The following MUC17 variants were observed in gnomAD, a reference collection of about 807,000 sequenced individuals.
MUC17 encodes the protein mucin-17.
Under a neutral mutation model 170.3 loss-of-function variants are expected in MUC17, and 190 were observed. That is an observed-to-expected ratio of 1.12 (90% CI 0.99 to 1.26). MUC17 has a LOEUF of 1.26. Ranked by LOEUF, MUC17 falls within the 50% of genes most tolerant of loss-of-function variation. The pLI is 0.00. For synonymous variants in MUC17, 2,325 were observed against 2,002.5 expected (o/e 1.16, Z -4.30); for missense variants, 6,415 against 5,530.0 (o/e 1.16, Z -5.08).
In MUC17 at chr7:101,037,250, C is replaced by G. The variant is rs141297128; in HGVS notation, c.5834C>G (p.Thr1945Ser). The G allele has an allele frequency of 5.5e-4, 872 of 1,591,124 alleles. 3 individuals carry two copies. In the African/African-American group the frequency reaches 0.011, roughly 20 times the overall value. ...ACAGTGGCCAGTTCTGAAATCAACA[C>G]CCTTTCAACAACTCTTGCTGACACC... ...TTTVASSEIN[T>S]LSTTLADTRT... is the part of the protein sequence containing the mutation. The change falls in exon 3 of 13, where the codon ACC (threonine) becomes AGC (serine). Residue 1945 changes from threonine (T) to serine (S), a missense_variant. Thr to Ser is a moderately conservative substitution (Grantham distance 58). Transcript: ENST00000306151.
Position 101,043,809 on chromosome 7 carries a change from A to C in MUC17, c.12393A>C (p.Arg4131Ser). ...CCACCTCAACTCCTACTGTGCCAAG[A>C]ACCACAACATGTAAGTGATTTCTTG... Reference protein sequence around the residue: ...SNPTSTPTVPRTTTCFGDGCQ... With the variant: ...SNPTSTPTVPSTTTCFGDGCQ... Residue 4131 changes from arginine (R) to serine (S), a missense_variant, in exon 3 of 13, where the codon AGA becomes AGC. Arg to Ser is a moderately radical substitution (Grantham distance 110, BLOSUM62 -1). Transcript: ENST00000306151. 2.5e-6 allele frequency: 4 copies of C among 1,597,564 alleles called. No homozygotes were observed. Among genetic ancestry groups the C allele is most frequent in the Non-Finnish European group, 3.4e-6 (4 of 1,170,024 alleles).
chr7:101,055,166 T>C (rs1434657888), intron 11 of MUC17, among the ~76,000 whole-genome samples: 1 of 150,824 alleles, frequency 6.6e-6, no homozygotes, highest in African/African-American at 2.4e-5. Flanking sequence ...ACATAGAAAA[T>C]AGAAAATAAA....
rs566537182 is a variant in MUC17 at position 101,040,823 on chromosome 7, T to G, written c.9407T>G (p.Val3136Gly). The G allele has an allele frequency of 4.0e-5, 65 of 1,613,730 alleles. 1 individual carries two copies. The South Asian group carries it at 6.9e-4, about 17-fold the overall frequency. Residue 3136 changes from valine (V) to glycine (G), a missense_variant, in exon 3 of 13, where the codon GTG becomes GGG. Val to Gly is a moderately radical substitution (Grantham distance 109). Coordinates refer to ENST00000306151, the MANE Select transcript of MUC17 (RefSeq NM_001040105.2). ...ACTCCTGTTGACACCAGCACACCTG[T>G]GACCACTTCTACTGAAGCCCATTCA... ...STTPVDTSTP[V>G]TTSTEAHSSP...
At position 101,041,982 on chromosome 7, in the gene MUC17, G is replaced by C. The variant is rs763841042; in HGVS notation, c.10566G>C (p.Met3522Ile). ...AAGGAAGCACTCCATTAACAAATAT[G>C]CCTGTCAGCACCACACCGGTGGCCA... The part of the protein sequence containing the change: ...AGEGSTPLTN[M>I]PVSTTPVASS... Residue 3522 changes from methionine to isoleucine, a missense_variant, in exon 3 of 13, where the codon ATG (methionine) becomes ATC (isoleucine). Transcript: ENST00000306151. 2.5e-6 allele frequency: 4 copies of C among 1,613,176 alleles called. No homozygotes were observed. In the East Asian group the frequency reaches 8.9e-5, roughly 36 times the overall value.
In MUC17 at chr7:101,043,196, C is replaced by G. The variant is rs759360423; in HGVS notation, c.11780C>G (p.Ser3927Ter). Residue 3927 changes from serine (S) to a stop codon, truncating the protein, a stop_gained, in exon 3 of 13, where the codon TCA becomes TGA. Transcript: ENST00000306151. LOFTEE classifies it high-confidence loss of function. ...CCTGTAGCCACCACCATATCTGTAT[C>G]AGTGATCACAGAAGGAAGCACACCT... ...TIPVATTISV[S>*]VITEGSTPGT... 1 of 1,614,166 alleles carries G rather than the reference C, an allele frequency of 6.2e-7. No individual in the cohort carries two copies.
In MUC17 at chr7:101,039,318, A is replaced by T. The variant is rs1388258435; in HGVS notation, c.7902A>T (p.Ser2634=). ...PISTPSEVST[S]LTSILVSTMP... Reference sequence around the variant, plus strand: ...CAACTCCTAGTGAAGTAAGTACTTCATTAACAAGTATACTTGTCAGCACCA... The same window carrying T: ...CAACTCCTAGTGAAGTAAGTACTTCTTTAACAAGTATACTTGTCAGCACCA... Residue 2634 remains serine, a synonymous_variant, in exon 3 of 13, where the codon TCA becomes TCT. Transcript: ENST00000306151. 6.2e-7 allele frequency: 1 copy of T among 1,613,276 alleles called. No individual in the cohort carries two copies. Among genetic ancestry groups the T allele is most frequent in the Non-Finnish European group, 8.5e-7 (1 of 1,179,582 alleles).
rs781770841 is a variant in MUC17 at position 101,033,122 on chromosome 7, G to A, written c.1706G>A (p.Ser569Asn). ...SIPTSTPSEG[S>N]TPLTNMPVST... ...CCAACCTCAACTCCTAGTGAAGGAA[G>A]CACTCCATTAACAAACATGCCTGTC... is the stretch of plus-strand genomic sequence containing the variant. Residue 569 changes from serine (S) to asparagine (N), a missense_variant, in exon 3 of 13, where the codon AGC becomes AAC. Coordinates refer to ENST00000306151, the MANE Select transcript of MUC17 (RefSeq NM_001040105.2). The A allele has an allele frequency of 3.7e-6, 6 of 1,612,044 alleles. No individual in the cohort carries two copies. Among genetic ancestry groups the A allele is most frequent in the South Asian group, 1.1e-5 (1 of 90,994 alleles).
chr7:101,036,074 C>A lies in MUC17; in HGVS notation c.4658C>A (p.Ser1553Ter), dbSNP rs755732013. Residue 1553 changes from serine to a stop codon, truncating the protein, a stop_gained, in exon 3 of 13, where the codon TCA becomes TAA. Coordinates refer to ENST00000306151, the MANE Select transcript of MUC17 (RefSeq NM_001040105.2). LOFTEE classifies it high-confidence loss of function. ...GTGACCACTTATTCTCAAGCCAGTT[C>A]ATCTCCTACAACTGCTGACGGTACC... is the stretch of plus-strand genomic sequence containing the variant. Reference protein sequence around the residue: ...TPVTTYSQASSSPTTADGTSM... With the variant: ...TPVTTYSQAS The A allele has an allele frequency of 1.2e-6, 2 of 1,612,348 alleles. No homozygotes were observed. Among genetic ancestry groups the A allele is most frequent in the South Asian group, 2.2e-5 (2 of 90,918 alleles).
Position 101,034,451 on chromosome 7 carries a change from C to T in MUC17, c.3035C>T (p.Thr1012Ile). Reference protein sequence around the residue: ...TLSTTPVDSNTPLTTSTEASS... With the variant: ...TLSTTPVDSNIPLTTSTEASS... The stretch of plus-strand genomic sequence containing the variant: ...TCAACAACTCCTGTTGACTCCAACA[C>T]TCCTTTGACCACTTCTACTGAAGCC... Residue 1012 changes from threonine (T) to isoleucine (I), a missense_variant, in exon 3 of 13, where the codon ACT (threonine) becomes ATT (isoleucine). Coordinates refer to ENST00000306151, the MANE Select transcript of MUC17 (RefSeq NM_001040105.2). 6.2e-7 allele frequency: 1 copy of T among 1,608,582 alleles called. No homozygotes were observed. Among genetic ancestry groups the T allele is most frequent in the Non-Finnish European group, 8.5e-7 (1 of 1,177,150 alleles).
At chr7:101,025,648 G>T (rs1403558089) in intron 1 of MUC17, among the ~76,000 whole-genome samples, 1 of 152,050 alleles carries the variant, frequency 6.6e-6, no homozygotes, top group Non-Finnish European at 1.5e-5. Flanking sequence ...AAAAAAATTA[G>T]CCAGGTGTAG....
rs1794330992 is a variant in MUC17 at position 101,032,793 on chromosome 7, C to A, written c.1377C>A (p.Val459=). ...EGSTPLTSMP[V]STTPVASSEA... ...GCACTCCATTAACAAGTATGCCTGT[C>A]AGCACCACTCCAGTGGCCAGTTCTG... Residue 459 remains valine, a synonymous_variant, in exon 3 of 13, where the codon GTC becomes GTA. Coordinates refer to ENST00000306151, the MANE Select transcript of MUC17 (RefSeq NM_001040105.2). The A allele has an allele frequency of 6.2e-7, 1 of 1,613,998 alleles. No individual in the cohort carries two copies.
rs879119791 is a variant in MUC17, at chr7:101,032,743, G to A, written c.1327G>A (p.Ala443Thr). 115 of 1,602,894 alleles carry A rather than the reference G, an allele frequency of 7.2e-5. No homozygotes were observed. The highest frequency in any genetic ancestry group is 9.7e-5 in the Non-Finnish European group (114 of 1,176,344). ...SPTTAEDTSI[A>T]TSTPSEGSTP... ...CACAACTGCTGAAGATACCAGCATTGCAACCTCAACTCCTAGTGAAGGAAG... is the reference window on the plus strand; with the variant it reads ...CACAACTGCTGAAGATACCAGCATTACAACCTCAACTCCTAGTGAAGGAAG... Residue 443 changes from alanine to threonine, a missense_variant, in exon 3 of 13, where the codon GCA becomes ACA. Ala to Thr is a moderately conservative substitution (Grantham distance 58, BLOSUM62 0). Coordinates refer to ENST00000306151, the MANE Select transcript of MUC17 (RefSeq NM_001040105.2).
Position 101,058,264 on chromosome 7 carries a change from G to T in MUC17, c.*220G>T, listed in dbSNP as rs1228977842. 1.0e-5 allele frequency: 4 copies of T among 394,814 alleles called. No individual in the cohort carries two copies. The South Asian group carries it at 2.2e-4, about 22-fold the overall frequency. 24.5% of individuals were successfully genotyped at this position (394,814 alleles called of 1,614,324 possible). Reference sequence around the variant, plus strand: ...TCCAATGGGCTTGTCATGATATCAGGCTAGGCTTTCCTGCTCATTTTTCAA... The same window carrying T: ...TCCAATGGGCTTGTCATGATATCAGTCTAGGCTTTCCTGCTCATTTTTCAA... On this transcript the variant is annotated 3_prime_UTR_variant, in exon 13 of 13. Coordinates refer to ENST00000306151, the MANE Select transcript of MUC17 (RefSeq NM_001040105.2).
In MUC17 at chr7:101,042,274, C is replaced by A; in HGVS notation, c.10858C>A (p.Pro3620Thr). ...TCAGAGCAATTCTACTCCTACACCT[C>A]CTGAAGTTATCACCCTGCCAATGTC... ...STQSNSTPTP[P>T]EVITLPMSTP... Residue 3620 changes from proline (P) to threonine (T), a missense_variant, in exon 3 of 13, where the codon CCT becomes ACT. Transcript: ENST00000306151. The A allele has an allele frequency of 6.2e-7, 1 of 1,613,470 alleles. No individual in the cohort carries two copies. Among genetic ancestry groups the A allele is most frequent in the Non-Finnish European group, 8.5e-7 (1 of 1,179,868 alleles).
chr7:101,036,869 C>T lies in MUC17; in HGVS notation c.5453C>T (p.Thr1818Met), dbSNP rs766059530. The part of the protein sequence containing the change: ...TPLTSTPVSH[T>M]LVANSEASTL... Reference sequence around the variant, plus strand: ...TTAACAAGCACACCTGTCAGCCACACGCTGGTGGCCAATTCTGAGGCTAGC... The same window carrying T: ...TTAACAAGCACACCTGTCAGCCACATGCTGGTGGCCAATTCTGAGGCTAGC... Residue 1818 changes from threonine to methionine, a missense_variant, in exon 3 of 13, where the codon ACG becomes ATG. Transcript: ENST00000306151. The T allele has an allele frequency of 9.3e-6, 15 of 1,608,228 alleles. No individual in the cohort carries two copies. In the Middle Eastern group the frequency reaches 1.2e-3, roughly 125 times the overall value.
intron 3 of MUC17, 132 bp from the exon 4 acceptor site, chr7:101,047,852 A>C: frequency 1.8e-6 from 2 of 1,113,348 alleles, no homozygotes; most frequent in South Asian, 2.4e-5. Flanking sequence ...CAAATTAGAC[A>C]GTGTCCGTGC....
intron 1 of MUC17, among the ~76,000 whole-genome samples, chr7:101,029,013 C>T (rs1794230406): frequency 6.6e-6 from 1 of 151,982 alleles, no homozygotes; most frequent in Non-Finnish European, 1.5e-5. Context: ...CGTGGAGAAA[C>T]CCCATCTCTA....
chr7:101,037,883 A>G lies in MUC17; in HGVS notation c.6467A>G (p.Tyr2156Cys). The change falls in exon 3 of 13, where the codon TAT becomes TGT. Residue 2156 changes from tyrosine to cysteine, a missense_variant. By Grantham distance (194) the Tyr-to-Cys change is radical (BLOSUM62 -2). Transcript: ENST00000306151. ...TEGTSMQTST[Y>C]SDRRTPLTSM... ...GGTACCAGCATGCAAACCTCAACTT[A>G]TAGTGACAGAAGAACTCCTTTAACA... The G allele has an allele frequency of 6.2e-7, 1 of 1,607,838 alleles. No individual in the cohort carries two copies. The highest frequency in any genetic ancestry group is 8.5e-7 in the Non-Finnish European group (1 of 1,177,280).
intron 12 of MUC17, among the ~76,000 whole-genome samples, chr7:101,056,604 T>G (rs1342787648): frequency 6.6e-6 from 1 of 152,226 alleles, no homozygotes; most frequent in Non-Finnish European, 1.5e-5. Flanking sequence ...AGTAAATACT[T>G]ACATATTCCA....
Sources: allele counts gnomAD v4.1 joint callset (sites outside exome capture counted in the v4.1 genomes callset), GRCh38; gene constraint gnomAD v4.1.1; transcripts MANE v1.5; gene names NCBI Gene and HGNC (gene_info 2026-07-23, HGNC 2026-07-21).